The following KATNA1 variants were observed in gnomAD, a reference collection of about 807,000 sequenced individuals.
The protein encoded by KATNA1 is katanin p60 ATPase-containing subunit A1.
A neutral mutation model predicts 62.6 loss-of-function variants in KATNA1; 42 were observed. That is an observed-to-expected ratio of 0.67 (90% confidence interval 0.52 to 0.87). KATNA1 has a LOEUF of 0.87. KATNA1 is among the 40% of genes least tolerant of loss of function. The pLI is 0.00. For synonymous variants in KATNA1, 186 were observed against 201.9 expected, an observed-to-expected ratio of 0.92 and a Z score of 0.67; for missense variants, 498 against 612.5, an observed-to-expected ratio of 0.81 and a Z score of 1.97.
At chr6:149,604,262 A>G (rs1778651334) in intron 5 of KATNA1, among the ~76,000 whole-genome samples, 1 of 152,072 alleles carries the variant, frequency 6.6e-6, no homozygotes, top group Non-Finnish European at 1.5e-5. Flanking sequence ...ACTTGAACCC[A>G]GGAGCTCAAG....
At chr6:149,647,958 T>C (rs1241993758) in intron 1 of KATNA1, among the ~76,000 whole-genome samples, 1 of 152,168 alleles carries the variant, frequency 6.6e-6, no homozygotes, top group East Asian at 1.9e-4. Flanking sequence ...AGGGAAAACT[T>C]TTCTAAAAGG....
chr6:149,604,638 T>A (rs1778665018), intron 5 of KATNA1, 23 bp downstream of exon 5: 1 of 1,612,918 alleles, frequency 6.2e-7, no homozygotes, highest in Non-Finnish European at 8.5e-7. Context: ...AGCACCCAAT[T>A]ATTTGGTTGT....
At chr6:149,648,086 T>G (rs1333464358) in intron 1 of KATNA1, among the ~76,000 whole-genome samples, 1 of 152,100 alleles carries the variant, frequency 6.6e-6, no homozygotes, top group Non-Finnish European at 1.5e-5. Context: ...AGAAAAGAAG[T>G]TGCCTCCCAA....
chr6:149,632,747 G>C lies in KATNA1; in HGVS notation c.320+12C>G. 1.3e-6 allele frequency: 2 copies of C among 1,596,952 alleles called. No individual in the cohort carries two copies. Among genetic ancestry groups the C allele is most frequent in the Non-Finnish European group, 1.7e-6 (2 of 1,175,386 alleles). On this transcript the variant is annotated intron_variant, in intron 3 of 10. Transcript: ENST00000367411. ...CTTGGGATAACTGGTTTCTTAAAAG[G>C]TTTCCACTTACCTTCGTTCAACAGG...
intron 3 of KATNA1, among the ~76,000 whole-genome samples, chr6:149,628,997 A>G (rs1248826697): frequency 1.3e-5 from 2 of 152,194 alleles, no homozygotes; most frequent in Admixed American, 1.3e-4. Context: ...AGTAATCTAG[A>G]GCATTCAAAA....
chr6:149,637,450 TA>T (rs1481085431), intron 2 of KATNA1, among the ~76,000 whole-genome samples: 1 of 152,196 alleles, frequency 6.6e-6, no homozygotes, highest in African/African-American at 2.4e-5. Flanking sequence ...ACAAGCCATT[TA>T]CAGTTTCGAC....
chr6:149,613,897 A>G (rs1779063897), intron 4 of KATNA1, among the ~76,000 whole-genome samples: 1 of 152,182 alleles, frequency 6.6e-6, no homozygotes, highest in Admixed American at 6.6e-5. Context: ...AGGCCCTTAC[A>G]AAGAGGTATC....
rs546925029 is a variant in KATNA1 at position 149,631,819 on chromosome 6, C to T, written c.320+940G>A. ...TTGAAAAATGTGCAGTAAAACTATG[C>T]ATGATTGGCTAGTTACAGTATTTCA... On this transcript the variant is annotated intron_variant, in intron 3 of 10. Transcript: ENST00000367411. Among the ~76,000 whole-genome samples, 5 of 152,236 alleles carry T rather than the reference C, an allele frequency of 3.3e-5. No homozygotes were observed. In the South Asian group the frequency reaches 1.0e-3, roughly 32 times the overall value.
At position 149,603,402 on chromosome 6, in the gene KATNA1, C is replaced by G. The variant is rs141266471; in HGVS notation, c.624-29G>C. The G allele has an allele frequency of 7.5e-6, 8 of 1,065,650 alleles. No homozygotes were observed. In the African/African-American group the frequency reaches 7.8e-5, roughly 10 times the overall value. 66.0% of individuals were successfully genotyped at this position (1,065,650 alleles called of 1,614,324 possible). A position where few individuals can be genotyped will look rare whatever the true frequency, so the allele number is the denominator to read the frequency against. On this transcript the variant is annotated intron_variant, in intron 5 of 10. Transcript: ENST00000367411. Reference sequence around the variant, plus strand: ...AAAGAGAAGACATTTTATTAACAACCCTTTAGATGATACATGTCTATGCAG... The same window carrying G: ...AAAGAGAAGACATTTTATTAACAACGCTTTAGATGATACATGTCTATGCAG...
At chr6:149,637,973 T>A (rs1399317988) in intron 2 of KATNA1, among the ~76,000 whole-genome samples, 10 of 152,088 alleles carry the variant, frequency 6.6e-5, no homozygotes, top group African/African-American at 2.4e-4. Context: ...ATACTCATGT[T>A]TTGTTTTGTT....
intron 4 of KATNA1, among the ~76,000 whole-genome samples, chr6:149,614,264 C>T (rs2115104594): frequency 6.6e-6 from 1 of 152,308 alleles, no homozygotes; most frequent in African/African-American, 2.4e-5. Flanking sequence ...CCGAATGCAG[C>T]TTCTGACCTT....
chr6:149,612,201 G>T (rs773696139), intron 4 of KATNA1, among the ~76,000 whole-genome samples: 44 of 151,956 alleles, frequency 2.9e-4, no homozygotes, highest in Non-Finnish European at 3.4e-4. Context: ...TAGTTTCATT[G>T]TAGAAACATT....
At chr6:149,632,576 C>A (rs1159648575) in intron 3 of KATNA1, among the ~76,000 whole-genome samples, 183 bp downstream of exon 3, 1 of 152,060 alleles carries the variant, frequency 6.6e-6, no homozygotes, top group Non-Finnish European at 1.5e-5. Flanking sequence ...CTACCTAAAT[C>A]TTATTTTTTG....
At chr6:149,647,521 C>CAAAAAAAA (rs10719474) in intron 1 of KATNA1, among the ~76,000 whole-genome samples, 2 of 46,854 alleles carry the variant, frequency 4.3e-5, no homozygotes, top group African/African-American at 7.7e-5. Context: ...GACTCCGTCT[C>CAAAAAAAA]AAAAAAAAAA....
chr6:149,632,725 G>A, intron 3 of KATNA1, 34 bp downstream of exon 3: 1 of 1,572,770 alleles, frequency 6.4e-7, no homozygotes. Context: ...TAAGCTTCTT[G>A]GGATAACTGG....
intron 2 of KATNA1, among the ~76,000 whole-genome samples, chr6:149,636,315 T>C (rs1780062932): frequency 6.6e-6 from 1 of 152,052 alleles, no homozygotes; most frequent in Non-Finnish European, 1.5e-5. Context: ...CTCATGCCTA[T>C]AATCCTAGGA....
At chr6:149,614,718 T>C (rs1779096864) in intron 4 of KATNA1, among the ~76,000 whole-genome samples, 1 of 152,008 alleles carries the variant, frequency 6.6e-6, no homozygotes, top group African/African-American at 2.4e-5. Flanking sequence ...AGTCTACAAG[T>C]AGCTACGATC....
intron 4 of KATNA1, among the ~76,000 whole-genome samples, chr6:149,613,111 C>T (rs12208283): frequency 3.1e-5 from 4 of 129,580 alleles, no homozygotes; most frequent in Non-Finnish European, 6.3e-5. Flanking sequence ...ACCCGGGAGG[C>T]GGAGCTTGCA....
intron 4 of KATNA1, among the ~76,000 whole-genome samples, chr6:149,612,339 C>A (rs1425758723): frequency 6.6e-6 from 1 of 151,944 alleles, no homozygotes; most frequent in African/African-American, 2.4e-5. Context: ...GAAACTCTGT[C>A]TCTACTAAAA....
Sources: allele counts gnomAD v4.1 joint callset (sites outside exome capture counted in the v4.1 genomes callset), GRCh38; gene constraint gnomAD v4.1.1; transcripts MANE v1.5; gene names NCBI Gene and HGNC (gene_info 2026-07-23, HGNC 2026-07-21).